TEC: variants seen among roughly 807,000 people sequenced by gnomAD.
The protein encoded by TEC is tyrosine-protein kinase Tec.
A neutral mutation model predicts 93.0 loss-of-function variants in TEC; 72 were observed. The ratio of observed to expected loss-of-function variants is 0.77; its 90% CI spans 0.64 to 0.94. The LOEUF (loss-of-function observed/expected upper bound fraction) is 0.94. TEC is among the 40% of genes least tolerant of loss of function. The probability of loss-of-function intolerance (pLI) is 0.00; values close to 1 mark genes in which losing one functional copy is unlikely to be tolerated. For synonymous variants in TEC, 249 were observed against 247.7 expected, an observed-to-expected ratio of 1.01 and a Z score of -0.05; for missense variants, 630 against 757.9, an observed-to-expected ratio of 0.83 and a Z score of 1.98.
chr4:48,199,543 T>C (rs972755964), intron 2 of TEC, among the ~76,000 whole-genome samples: 2 of 128,202 alleles, frequency 1.6e-5, no homozygotes, highest in Non-Finnish European at 1.6e-5. Flanking sequence ...CTCAGCTCAC[T>C]ACAACCTCCG....
chr4:48,178,046 A>G (rs1209357710), intron 2 of TEC, among the ~76,000 whole-genome samples: 1 of 152,148 alleles, frequency 6.6e-6, no homozygotes, highest in Non-Finnish European at 1.5e-5. Flanking sequence ...GGACTAATAC[A>G]ACAGTTTTGT....
At chr4:48,257,032 A>AT (rs1007637152) in intron 1 of TEC, among the ~76,000 whole-genome samples, 1 of 152,012 alleles carries the variant, frequency 6.6e-6, no homozygotes, top group Admixed American at 6.5e-5. Context: ...GCAGTAAATA[A>AT]TTTTTTTTCC....
rs1484290983 is a variant in TEC, at chr4:48,233,429, C to T, written c.-45-4770G>A. ...CTGGGCATAAGTGAACTTCCTGCCT[C>T]AGCCTCCCCAAGTAGCTGAAACTAC... On this transcript the variant is annotated intron_variant, in intron 1 of 17. Transcript: ENST00000381501. Among the ~76,000 whole-genome samples the T allele has an allele frequency of 4.0e-5, 6 of 150,920 alleles. No individual in the cohort carries two copies. In the East Asian group the frequency reaches 1.2e-3, roughly 29 times the overall value.
chr4:48,191,037 AG>A (rs1412999140), intron 2 of TEC, among the ~76,000 whole-genome samples: 1 of 152,236 alleles, frequency 6.6e-6, no homozygotes, highest in Non-Finnish European at 1.5e-5. Context: ...TTGAGCACCC[AG>A]GCTTCAGTGA....
Position 48,145,263 on chromosome 4 carries a change from T to G in TEC, c.1286A>C (p.Tyr429Ser), listed in dbSNP as rs999385114. 9 of 1,614,142 alleles carry G rather than the reference T, an allele frequency of 5.6e-6. No homozygotes were observed. The highest frequency in any genetic ancestry group is 7.6e-6 in the Non-Finnish European group (9 of 1,180,008). The change falls in exon 14 of 18, where the codon TAT becomes TCT. Residue 429 changes from tyrosine to serine, a missense_variant. Physicochemically the swap from Tyr to Ser is moderately radical, Grantham distance 144. Coordinates refer to ENST00000381501, the MANE Select transcript of TEC (RefSeq NM_003215.3). ...TGGTTTCTGCTGGGTGCACACACCA[T>G]AAAGCTGCACTAACTTCGGGTGTGT... is the stretch of plus-strand genomic sequence containing the variant. ...KLTHPKLVQL[Y>S]GVCTQQKPIY...
chr4:48,161,704 G>A lies in TEC; in HGVS notation c.737+1998C>T, dbSNP rs1436620209. 2.6e-5 allele frequency among the ~76,000 whole-genome samples: 4 copies of A among 151,768 alleles called. No homozygotes were observed. The East Asian group carries it at 5.8e-4, about 22-fold the overall frequency. ...GAAAGATGCAAAGTATCGCTCCTGG[G>A]TGTGTCCATGACGGTGTTGCCAAAG... On this transcript the variant is annotated intron_variant, in intron 8 of 17. Coordinates refer to ENST00000381501, the MANE Select transcript of TEC (RefSeq NM_003215.3).
chr4:48,159,510 A>C (rs1449075050), intron 8 of TEC, among the ~76,000 whole-genome samples: 1 of 151,068 alleles, frequency 6.6e-6, no homozygotes, highest in Non-Finnish European at 1.5e-5. Flanking sequence ...CTCCTGCCTC[A>C]GCCTCCCAAG....
intron 1 of TEC, among the ~76,000 whole-genome samples, chr4:48,268,582 G>A (rs1941729139): frequency 6.6e-6 from 1 of 152,124 alleles, no homozygotes; most frequent in African/African-American, 2.4e-5. Flanking sequence ...CTTACTCCAG[G>A]TGATTATTGC....
intron 2 of TEC, among the ~76,000 whole-genome samples, chr4:48,177,063 T>G (rs1721362647): frequency 6.6e-6 from 1 of 151,944 alleles, no homozygotes. Context: ...CTGCCTGCTG[T>G]AGATCTGCCT....
rs777314425 is a variant in TEC, at chr4:48,145,358, G to A, written c.1253+50C>T. 4.3e-6 allele frequency: 7 copies of A among 1,611,640 alleles called. No individual in the cohort carries two copies. The South Asian group carries it at 5.5e-5, about 13-fold the overall frequency. Reference sequence around the variant, plus strand: ...AGAAACTACCAAGTTTTTGGTAAGGGGCCACTTCTTAATACAAAAAGATGA... The same window carrying A: ...AGAAACTACCAAGTTTTTGGTAAGGAGCCACTTCTTAATACAAAAAGATGA... On this transcript the variant is annotated intron_variant, in intron 13 of 17. Coordinates refer to ENST00000381501, the MANE Select transcript of TEC (RefSeq NM_003215.3).
chr4:48,175,926 CAA>C (rs1721307074), intron 3 of TEC, among the ~76,000 whole-genome samples, 154 bp downstream of exon 3: 2 of 152,112 alleles, frequency 1.3e-5, no homozygotes, highest in Admixed American at 6.5e-5. Flanking sequence ...AATGTTTCCA[CAA>C]AGACTTAAAC....
chr4:48,202,907 A>G (rs1722580104), intron 2 of TEC, among the ~76,000 whole-genome samples: 1 of 152,236 alleles, frequency 6.6e-6, no homozygotes, highest in Non-Finnish European at 1.5e-5. Flanking sequence ...ATTGCTGGCC[A>G]TTACATTAAA....
intron 9 of TEC, among the ~76,000 whole-genome samples, chr4:48,152,905 A>G (rs1216048057): frequency 6.6e-6 from 1 of 152,236 alleles, no homozygotes; most frequent in Admixed American, 6.5e-5. Flanking sequence ...CATGAGTTTA[A>G]AAGGCTGGAA....
intron 1 of TEC, among the ~76,000 whole-genome samples, chr4:48,238,969 T>G (rs551336363): frequency 6.6e-6 from 1 of 152,304 alleles, no homozygotes; most frequent in Non-Finnish European, 1.5e-5. Context: ...AATGACTTAA[T>G]GGAGCAGAGG....
intron 7 of TEC, among the ~76,000 whole-genome samples, chr4:48,165,174 C>T (rs1457988994): frequency 1.3e-5 from 2 of 152,052 alleles, no homozygotes; most frequent in Non-Finnish European, 2.9e-5. Flanking sequence ...CTAATTTGGC[C>T]AATTCAAGCA....
At chr4:48,166,838 G>A (rs1354519476) in intron 7 of TEC, among the ~76,000 whole-genome samples, 1 of 151,620 alleles carries the variant, frequency 6.6e-6, no homozygotes, top group African/African-American at 2.4e-5. Flanking sequence ...ACTCATATAT[G>A]CACCATGCCT....
At chr4:48,222,556 G>A (rs187431021) in intron 2 of TEC, among the ~76,000 whole-genome samples, 9 of 152,016 alleles carry the variant, frequency 5.9e-5, no homozygotes, top group South Asian at 2.1e-4. Flanking sequence ...AGTGTTTCTC[G>A]GTGAGATCAG....
At chr4:48,209,612 C>CA (rs908072497) in intron 2 of TEC, among the ~76,000 whole-genome samples, 5 of 150,526 alleles carry the variant, frequency 3.3e-5, no homozygotes, top group African/African-American at 4.9e-5. Context: ...GACTTTGTCT[C>CA]AAAAAAAATA....
intron 1 of TEC, among the ~76,000 whole-genome samples, chr4:48,267,190 T>C (rs1724661867): frequency 6.6e-6 from 1 of 152,262 alleles, no homozygotes; most frequent in African/African-American, 2.4e-5. Context: ...TTTACATTTG[T>C]TTGCTTTTTC....
Sources: allele counts gnomAD v4.1 joint callset (sites outside exome capture counted in the v4.1 genomes callset), GRCh38; gene constraint gnomAD v4.1.1; transcripts MANE v1.5; gene names NCBI Gene and HGNC (gene_info 2026-07-23, HGNC 2026-07-21).